The following LPP variants were observed in gnomAD, a reference collection of about 807,000 sequenced individuals.
LPP encodes lipoma-preferred partner.
A neutral mutation model predicts 60.4 loss-of-function variants in LPP; 38 were observed. That is an observed-to-expected ratio of 0.63 (90% CI 0.49 to 0.83). The LOEUF (loss-of-function observed/expected upper bound fraction) is 0.83, where lower values mean the gene tolerates loss of function less well. LPP is among the 40% of genes least tolerant of loss of function. The probability of loss-of-function intolerance (pLI) is 0.00; values close to 1 mark genes in which losing one functional copy is unlikely to be tolerated. For synonymous variants in LPP, 328 were observed against 290.8 expected (o/e 1.13, Z -1.30); for missense variants, 902 against 783.6 (o/e 1.15, Z -1.80).
At chr3:188,473,093 A>G (rs1802270577) in intron 4 of LPP, among the ~76,000 whole-genome samples, 1 of 152,178 alleles carries the variant, frequency 6.6e-6, no homozygotes, top group South Asian at 2.1e-4. Context: ...GACTAGTTCA[A>G]TGACTTACTT....
At chr3:188,690,012 G>A (rs1373861672) in intron 7 of LPP, among the ~76,000 whole-genome samples, 1 of 151,736 alleles carries the variant, frequency 6.6e-6, no homozygotes, top group Non-Finnish European at 1.5e-5. Context: ...CACTGCATCT[G>A]TTTCCCTGAC....
At chr3:188,281,270 A>G (rs190411714) in intron 2 of LPP, among the ~76,000 whole-genome samples, 31 of 152,198 alleles carry the variant, frequency 2.0e-4, no homozygotes, top group African/African-American at 7.5e-4. Context: ...CTTATTAGTG[A>G]TGCGGGTTTA....
intron 7 of LPP, among the ~76,000 whole-genome samples, chr3:188,613,984 A>G (rs180776108): frequency 2.6e-5 from 4 of 151,134 alleles, no homozygotes; most frequent in African/African-American, 9.7e-5. Context: ...CTGGGGTGCA[A>G]TGACGTGATC....
At chr3:188,303,617 G>A (rs188623035) in intron 2 of LPP, among the ~76,000 whole-genome samples, 41 of 152,248 alleles carry the variant, frequency 2.7e-4, no homozygotes, top group African/African-American at 8.7e-4. Context: ...TGTCACCAGC[G>A]GTGGTAGGAG....
At chr3:188,477,198 C>A (rs1803462329) in intron 4 of LPP, among the ~76,000 whole-genome samples, 2 of 152,196 alleles carry the variant, frequency 1.3e-5, no homozygotes, top group Admixed American at 1.3e-4. Flanking sequence ...GCTTGACATT[C>A]TGATCCTTTG....
At chr3:188,397,237 A>T (rs954822720) in intron 3 of LPP, among the ~76,000 whole-genome samples, 2 of 152,076 alleles carry the variant, frequency 1.3e-5, no homozygotes, top group Non-Finnish European at 2.9e-5. Context: ...CCAGCCTCTG[A>T]TATGTTCTAG....
intron 2 of LPP, among the ~76,000 whole-genome samples, chr3:188,273,589 C>CTTTTTTTTTTTTTTTTTTTTTTT (rs11380757): frequency 1.2e-5 from 1 of 80,422 alleles, no homozygotes; most frequent in Non-Finnish European, 2.2e-5. Flanking sequence ...TATTTTATAT[C>CTTTTTTTTTTTTTTTTTTTTTTT]TTTTTTTTTT....
chr3:188,195,422 G>C (rs1443188638), intron 1 of LPP, among the ~76,000 whole-genome samples: 1 of 152,142 alleles, frequency 6.6e-6, no homozygotes, highest in Admixed American at 6.5e-5. Flanking sequence ...CTGTATAGTT[G>C]ATAAAGAGAA....
chr3:188,381,887 T>C (rs1322805618), intron 3 of LPP, among the ~76,000 whole-genome samples: 2 of 152,196 alleles, frequency 1.3e-5, no homozygotes, highest in Admixed American at 6.5e-5. Context: ...ACTCAAGCTA[T>C]CCTCTCACCT....
At chr3:188,529,333 G>A (rs1821519617) in intron 6 of LPP, among the ~76,000 whole-genome samples, 5 of 152,126 alleles carry the variant, frequency 3.3e-5, no homozygotes, top group Admixed American at 2.0e-4. Context: ...TTTGTTCAAA[G>A]CAAATTTCAA....
At chr3:188,444,893 C>T (rs1794853304) in intron 4 of LPP, among the ~76,000 whole-genome samples, 2 of 152,150 alleles carry the variant, frequency 1.3e-5, no homozygotes, top group South Asian at 4.1e-4. Flanking sequence ...AAAAACCTCA[C>T]TATCACTGGT....
At chr3:188,204,481 A>G (rs975688557) in intron 1 of LPP, among the ~76,000 whole-genome samples, 1 of 152,180 alleles carries the variant, frequency 6.6e-6, no homozygotes, top group Admixed American at 6.5e-5. Flanking sequence ...TTTTGGACAC[A>G]TTCTAAGTAA....
intron 6 of LPP, among the ~76,000 whole-genome samples, chr3:188,540,496 A>C (rs80066215): frequency 1.3e-5 from 2 of 152,184 alleles, no homozygotes; most frequent in African/African-American, 4.8e-5. Flanking sequence ...AACTAATTTC[A>C]TAGAGTTTAA....
intron 2 of LPP, among the ~76,000 whole-genome samples, chr3:188,250,887 T>G (rs1036038796): frequency 6.8e-6 from 1 of 146,754 alleles, no homozygotes; most frequent in Non-Finnish European, 1.5e-5. Context: ...ACTCTCTCTC[T>G]CTTTCTTTCT....
chr3:188,360,817 TCTTA>T (rs1188654656), intron 3 of LPP, among the ~76,000 whole-genome samples: 1 of 152,176 alleles, frequency 6.6e-6, no homozygotes, highest in Non-Finnish European at 1.5e-5. Flanking sequence ...TGCCATAACC[TCTTA>T]CTAGCCGTGT....
chr3:188,832,687 G>T (rs779281502), intron 9 of LPP, among the ~76,000 whole-genome samples: 3 of 152,196 alleles, frequency 2.0e-5, no homozygotes, highest in Non-Finnish European at 2.9e-5. Context: ...CCAAGTAGGT[G>T]GTTATCAGGG....
At chr3:188,579,418 C>A (rs1835523473) in intron 6 of LPP, among the ~76,000 whole-genome samples, 2 of 152,108 alleles carry the variant, frequency 1.3e-5, no homozygotes, top group African/African-American at 4.8e-5. Context: ...ATCATGTGAA[C>A]AATAAGGGTG....
chr3:188,776,834 G>A (rs1737959584), intron 9 of LPP, among the ~76,000 whole-genome samples: 1 of 152,152 alleles, frequency 6.6e-6, no homozygotes, highest in Non-Finnish European at 1.5e-5. Flanking sequence ...GTCAACTGAA[G>A]CCCTGTAAGA....
At chr3:188,463,892 C>G (rs1268048895) in intron 4 of LPP, among the ~76,000 whole-genome samples, 1 of 152,198 alleles carries the variant, frequency 6.6e-6, no homozygotes, top group Non-Finnish European at 1.5e-5. Context: ...GCATTCATGG[C>G]AGAGCCAGCA....
Sources: gnomAD v4.1 joint callset for allele counts (sites outside exome capture counted in the v4.1 genomes callset) on GRCh38, gnomAD v4.1.1 for gene constraint, MANE v1.5 for transcripts, NCBI Gene and HGNC (gene_info 2026-07-23, HGNC 2026-07-21) for gene names.